SVOPL: variants seen among roughly 807,000 people sequenced by gnomAD.
The protein encoded by SVOPL is SVOP like.
Under a neutral mutation model 61.0 loss-of-function variants are expected in SVOPL, and 60 were observed. That is an observed-to-expected ratio of 0.98 (90% CI 0.80 to 1.22). The LOEUF is 1.22. SVOPL is among the 50% of genes most tolerant of loss of function. The pLI, the probability that SVOPL is intolerant of heterozygous loss-of-function variation, is 0.00. For synonymous variants in SVOPL, 279 were observed against 250.0 expected (o/e 1.12, Z -1.09); for missense variants, 662 against 643.9 (o/e 1.03, Z -0.30).
chr7:138,666,593 T>G (rs943876002), intron 4 of SVOPL, among the ~76,000 whole-genome samples: 6 of 152,208 alleles, frequency 3.9e-5, no homozygotes, highest in African/African-American at 1.2e-4. Flanking sequence ...ACTACAGTGC[T>G]GATTGGACAG....
intron 14 of SVOPL, among the ~76,000 whole-genome samples, chr7:138,617,598 C>T (rs1167469701): frequency 6.6e-6 from 1 of 152,094 alleles, no homozygotes; most frequent in African/African-American, 2.4e-5. Context: ...CCTGTAATCC[C>T]AGCACTTTGA....
intron 4 of SVOPL, among the ~76,000 whole-genome samples, chr7:138,664,489 G>T (rs1277937958): frequency 7.4e-6 from 1 of 135,884 alleles, no homozygotes; most frequent in African/African-American, 2.8e-5. Flanking sequence ...TCCTCCACTG[G>T]GCAAGCCCCT....
chr7:138,642,831 C>CAAAAAAAAAAAAAAAAAAAAAA (rs749603417), intron 9 of SVOPL, among the ~76,000 whole-genome samples: 27 of 26,852 alleles, frequency 1.0e-3, no homozygotes, highest in East Asian at 6.1e-3. Flanking sequence ...CTCCTACCTC[C>CAAAAAAAAAAAAAAAAAAAAAA]AAAAAAAAAA....
At chr7:138,677,714 G>A (rs1183469014) in intron 3 of SVOPL, among the ~76,000 whole-genome samples, 9 of 148,018 alleles carry the variant, frequency 6.1e-5, no homozygotes, top group African/African-American at 1.7e-4. Context: ...GCCACTATAA[G>A]ACTTCAAAAG....
chr7:138,629,978 T>C lies in SVOPL; in HGVS notation c.863+71A>G, dbSNP rs571429243. 7.1e-5 allele frequency: 90 copies of C among 1,274,628 alleles called. No homozygotes were observed. The Middle Eastern group carries it at 1.5e-3, about 21-fold the overall frequency. 79.0% of individuals were successfully genotyped at this position (1,274,628 alleles called of 1,614,324 possible). A position where few individuals can be genotyped will look rare whatever the true frequency, so the allele number is the denominator to read the frequency against. On this transcript the variant is annotated intron_variant, in intron 10 of 15. Coordinates refer to ENST00000674285, the MANE Select transcript of SVOPL (RefSeq NM_001139456.2). ...GTTTTTCTCCCCAGTGGCACTCACA[T>C]AGATTTACTTAAATAGGCTTCCTCC...
intron 7 of SVOPL, among the ~76,000 whole-genome samples, chr7:138,649,396 TGA>T (rs1215991864): frequency 1.3e-5 from 2 of 151,856 alleles, no homozygotes; most frequent in Non-Finnish European, 2.9e-5. Context: ...TGGGTTCAAA[TGA>T]TTCTCATGCC....
At chr7:138,636,661 G>A (rs1467113454) in intron 9 of SVOPL, among the ~76,000 whole-genome samples, 1 of 151,924 alleles carries the variant, frequency 6.6e-6, no homozygotes, top group Admixed American at 6.6e-5. Flanking sequence ...AGTAAAGACA[G>A]AGTTTCATCA....
chr7:138,641,176 G>A (rs530310574), intron 9 of SVOPL, among the ~76,000 whole-genome samples: 1 of 151,094 alleles, frequency 6.6e-6, no homozygotes, highest in South Asian at 2.1e-4. Context: ...TCCAACCGAG[G>A]TGACAGAGTG....
In SVOPL at chr7:138,630,075, C is replaced by G; in HGVS notation, c.837G>C (p.Arg279=). 6.2e-7 allele frequency: 1 copy of G among 1,613,894 alleles called. No homozygotes were observed. Among genetic ancestry groups the G allele is most frequent in the Non-Finnish European group, 8.5e-7 (1 of 1,179,858 alleles). Residue 279 remains arginine (R), a synonymous_variant, in exon 10 of 16, where the codon CGG becomes CGC. Transcript: ENST00000674285. ...ATATGACCCAGATCTGTAATGTGGT[C>G]CGTAAATATTTAGCATCCAATAGGT... ...FADLLDAKYL[R]TTLQIWVIWL...
intron 9 of SVOPL, among the ~76,000 whole-genome samples, chr7:138,631,730 A>G (rs995368633): frequency 6.6e-6 from 1 of 152,044 alleles, no homozygotes; most frequent in Admixed American, 6.6e-5. Flanking sequence ...CAAATCGTCC[A>G]GCTAATTTTT....
intron 3 of SVOPL, among the ~76,000 whole-genome samples, chr7:138,677,031 G>C (rs1802581667): frequency 6.6e-6 from 1 of 150,566 alleles, no homozygotes; most frequent in African/African-American, 2.4e-5. Context: ...AGCCTCCCGA[G>C]TAGCTGGGAC....
At chr7:138,659,761 G>A (rs1801917579) in intron 6 of SVOPL, 103 bp downstream of exon 6, 4 of 1,140,478 alleles carry the variant, frequency 3.5e-6, no homozygotes, top group Non-Finnish European at 3.7e-6. Context: ...TCTCAGATAT[G>A]TTGGGTTCAC....
intron 3 of SVOPL, among the ~76,000 whole-genome samples, chr7:138,674,200 T>TAC (rs35935791): frequency 0.034 from 5,084 of 149,384 alleles, 130 homozygotes; most frequent in African/African-American, 0.051. Flanking sequence ...AGAAAACACA[T>TAC]ACACACACAC....
intron 3 of SVOPL, among the ~76,000 whole-genome samples, chr7:138,674,431 A>T (rs1030562046): frequency 1.3e-5 from 2 of 151,918 alleles, no homozygotes; most frequent in Non-Finnish European, 2.9e-5. Context: ...AAAGCATCCC[A>T]TCGTAAGACC....
chr7:138,676,570 T>G (rs1019594955), intron 3 of SVOPL, among the ~76,000 whole-genome samples: 3 of 148,922 alleles, frequency 2.0e-5, no homozygotes, highest in African/African-American at 7.8e-5. Flanking sequence ...ACTATCTCAT[T>G]GGCATCACCT....
At chr7:138,621,714 T>C (rs1403081087) in intron 13 of SVOPL, among the ~76,000 whole-genome samples, 3 of 152,306 alleles carry the variant, frequency 2.0e-5, no homozygotes, top group Non-Finnish European at 2.9e-5. Context: ...TGAGCCACCA[T>C]ACCTGGCCCC....
intron 3 of SVOPL, among the ~76,000 whole-genome samples, chr7:138,675,417 G>A (rs183364839): frequency 7.2e-4 from 109 of 151,682 alleles, no homozygotes; most frequent in African/African-American, 2.5e-3. Flanking sequence ...ACAGTGGCGC[G>A]ATCTCGGATC....
chr7:138,614,986 C>T (rs1193258466), intron 14 of SVOPL, among the ~76,000 whole-genome samples: 3 of 152,112 alleles, frequency 2.0e-5, no homozygotes, highest in South Asian at 2.1e-4. Context: ...AAATCACAGC[C>T]GCACACCGTG....
chr7:138,693,504 A>T (rs1250000956), intron 1 of SVOPL, among the ~76,000 whole-genome samples: 2 of 148,720 alleles, frequency 1.3e-5, no homozygotes, highest in African/African-American at 5.0e-5. Flanking sequence ...GAAAGAAGGG[A>T]AGGAAAGAAA....
Sources: gnomAD v4.1 joint callset for allele counts (sites outside exome capture counted in the v4.1 genomes callset) on GRCh38, gnomAD v4.1.1 for gene constraint, MANE v1.5 for transcripts, NCBI Gene and HGNC (gene_info 2026-07-23, HGNC 2026-07-21) for gene names.